DISP1: variants seen among roughly 807,000 people sequenced by gnomAD.
The protein encoded by DISP1 is dispatched RND transporter family member 1.
DISP1 carries 30 observed loss-of-function variants against 37.3 expected under a neutral mutation model. That is an observed-to-expected ratio of 0.80 (90% CI 0.60 to 1.09). DISP1 has a LOEUF of 1.09. DISP1 is among the 50% of genes least tolerant of loss of function. DISP1 has a pLI of 0.00. For synonymous variants in DISP1, 634 were observed against 690.2 expected (o/e 0.92, Z 1.28); for missense variants, 1,598 against 1,879.5 (o/e 0.85, Z 2.77).
At position 222,888,935 on chromosome 1, in the gene DISP1, A is replaced by C. The variant is rs1052567860; in HGVS notation, c.-158-39495A>C. ...TTAAATGGGCAAATAATAATTGTACATATCCATGGAGTACATAGTGATGTT... is the reference window on the plus strand; with the variant it reads ...TTAAATGGGCAAATAATAATTGTACCTATCCATGGAGTACATAGTGATGTT... On this transcript the variant is annotated intron_variant, in intron 1 of 8. Transcript: ENST00000675850. 5.9e-5 allele frequency among the ~76,000 whole-genome samples: 9 copies of C among 152,216 alleles called. No individual in the cohort carries two copies. The East Asian group carries it at 1.7e-3, about 29-fold the overall frequency.
At chr1:222,835,445 C>T (rs1666804505) in intron 1 of DISP1, among the ~76,000 whole-genome samples, 1 of 152,106 alleles carries the variant, frequency 6.6e-6, no homozygotes, top group Admixed American at 6.6e-5. Flanking sequence ...TGCTATATGA[C>T]ATGAACAATG....
At chr1:222,936,839 A>ATATCATATATATGATATATAATT (rs1406989553) in intron 2 of DISP1, among the ~76,000 whole-genome samples, 1 of 64,410 alleles carries the variant, frequency 1.6e-5, no homozygotes, top group African/African-American at 6.4e-5. Context: ...TAAATTATAT[A>ATATCATATATATGATATATAATT]TATCATATAT....
intron 1 of DISP1, among the ~76,000 whole-genome samples, chr1:222,861,169 G>A (rs970233426): frequency 2.0e-5 from 3 of 152,098 alleles, no homozygotes; most frequent in African/African-American, 7.2e-5. Flanking sequence ...TGGAATTGAT[G>A]TGTTCTTCAG....
At chr1:222,988,025 G>T (rs960630425) in intron 4 of DISP1, among the ~76,000 whole-genome samples, 7 of 152,118 alleles carry the variant, frequency 4.6e-5, no homozygotes, top group African/African-American at 1.7e-4. Context: ...TTTGCACAGG[G>T]TGTGTCCTAG....
At chr1:222,962,260 A>G (rs1370440262) in intron 3 of DISP1, among the ~76,000 whole-genome samples, 1 of 152,022 alleles carries the variant, frequency 6.6e-6, no homozygotes, top group Non-Finnish European at 1.5e-5. Flanking sequence ...AGAACTACAA[A>G]CCACTGCTCA....
intron 1 of DISP1, chr1:222,836,942 T>C (rs1181173488): frequency 1.8e-5 from 7 of 397,266 alleles, no homozygotes; most frequent in African/African-American, 1.0e-4. Context: ...TACCTACCTA[T>C]GACAGAGACT....
At chr1:222,930,800 G>T (rs1175577182) in intron 2 of DISP1, among the ~76,000 whole-genome samples, 4 of 152,030 alleles carry the variant, frequency 2.6e-5, no homozygotes, top group Non-Finnish European at 1.5e-5. Context: ...CCCTTATTAA[G>T]ACTTAATTTA....
chr1:222,842,497 C>A (rs1356547609), intron 1 of DISP1, among the ~76,000 whole-genome samples: 1 of 151,944 alleles, frequency 6.6e-6, no homozygotes, highest in Non-Finnish European at 1.5e-5. Context: ...TAGTGTCTGG[C>A]AGAAATTGCT....
intron 4 of DISP1, among the ~76,000 whole-genome samples, chr1:222,983,853 T>C (rs763803329): frequency 1.3e-5 from 2 of 152,176 alleles, no homozygotes; most frequent in African/African-American, 2.4e-5. Flanking sequence ...GAGAAAATTT[T>C]AACTTGATAA....
chr1:222,887,812 A>G (rs1670715839), intron 1 of DISP1, among the ~76,000 whole-genome samples: 1 of 152,076 alleles, frequency 6.6e-6, no homozygotes. Context: ...TTTGTTTTTA[A>G]TATTTTTATG....
At chr1:222,873,904 G>A (rs1329315244) in intron 1 of DISP1, among the ~76,000 whole-genome samples, 4 of 152,090 alleles carry the variant, frequency 2.6e-5, no homozygotes, top group Non-Finnish European at 2.9e-5. Flanking sequence ...TTTTGCAGTG[G>A]CTGGTACCGG....
At chr1:222,992,465 T>C (rs911386580) in intron 7 of DISP1, among the ~76,000 whole-genome samples, 6 of 152,234 alleles carry the variant, frequency 3.9e-5, no homozygotes, top group African/African-American at 1.4e-4. Context: ...TATTTTTGCA[T>C]TGAACCTTGA....
chr1:222,981,452 A>G (rs983672494), intron 3 of DISP1, among the ~76,000 whole-genome samples: 1 of 152,266 alleles, frequency 6.6e-6, no homozygotes, highest in Non-Finnish European at 1.5e-5. Flanking sequence ...CTTAGAATCC[A>G]TAACGAGGGC....
rs566943774 is a variant in DISP1 at position 222,966,760 on chromosome 1, T to C, written c.510-16320T>C. 1.4e-3 allele frequency among the ~76,000 whole-genome samples: 218 copies of C among 152,264 alleles called. 1 individual carries two copies. Among genetic ancestry groups the C allele is most frequent in the African/African-American group, 5.1e-3 (211 of 41,550 alleles). The stretch of plus-strand genomic sequence containing the variant: ...TGGTGGTTACATAGATGTGTACATA[T>C]GTAAAAATGCATCAAACTCTACACT... On this transcript the variant is annotated intron_variant, in intron 3 of 8. Coordinates refer to ENST00000675850, the MANE Select transcript of DISP1 (RefSeq NM_001377229.1).
chr1:222,876,366 G>A (rs1470407418), intron 1 of DISP1, among the ~76,000 whole-genome samples: 1 of 152,076 alleles, frequency 6.6e-6, no homozygotes, highest in African/African-American at 2.4e-5. Flanking sequence ...CAACACTTTG[G>A]TGAACAGTTT....
intron 3 of DISP1, among the ~76,000 whole-genome samples, chr1:222,950,676 TC>T (rs1675157896): frequency 6.6e-6 from 1 of 152,060 alleles, no homozygotes; most frequent in Non-Finnish European, 1.5e-5. Context: ...GTGTCCCCAA[TC>T]TACGTCCTGA....
chr1:222,967,965 G>C (rs1291747723), intron 3 of DISP1, among the ~76,000 whole-genome samples: 2 of 152,134 alleles, frequency 1.3e-5, no homozygotes, highest in Non-Finnish European at 2.9e-5. Context: ...AGCTACAGAT[G>C]CAAGAATAAC....
At chr1:222,974,225 C>A (rs1677158157) in intron 3 of DISP1, among the ~76,000 whole-genome samples, 1 of 152,106 alleles carries the variant, frequency 6.6e-6, no homozygotes, top group Non-Finnish European at 1.5e-5. Flanking sequence ...TAATTCTCAA[C>A]AGTTTATAGA....
intron 3 of DISP1, among the ~76,000 whole-genome samples, chr1:222,946,100 G>C (rs941552444): frequency 2.0e-5 from 3 of 151,428 alleles, no homozygotes; most frequent in African/African-American, 7.3e-5. Context: ...TTGGCCGGGC[G>C]TGGTGGCTCA....
Sources: allele counts gnomAD v4.1 joint callset (sites outside exome capture counted in the v4.1 genomes callset), GRCh38; gene constraint gnomAD v4.1.1; transcripts MANE v1.5; gene names NCBI Gene and HGNC (gene_info 2026-07-23, HGNC 2026-07-21).